The following EDC3 variants were observed in gnomAD, a reference collection of about 807,000 sequenced individuals.
The protein encoded by EDC3 is enhancer of mRNA-decapping protein 3.
Under a neutral mutation model 41.8 loss-of-function variants are expected in EDC3, and 20 were observed. The observed-to-expected ratio is 0.48, with a 90% CI of 0.34 to 0.70. The LOEUF is 0.70. Among genes scored for constraint, EDC3 ranks in the 30% least tolerant of loss-of-function variants. The probability of loss-of-function intolerance (pLI) is 0.01; values close to 1 mark genes in which losing one functional copy is unlikely to be tolerated. For missense variants in EDC3, 444 were observed against 636.8 expected (o/e 0.70, Z 3.26); for synonymous variants, 206 against 243.2 (o/e 0.85, Z 1.42).
intron 1 of EDC3, among the ~76,000 whole-genome samples, chr15:74,684,631 A>C (rs895492589): frequency 1.3e-5 from 2 of 152,014 alleles, no homozygotes; most frequent in African/African-American, 4.8e-5. Context: ...GAAAAAAAAA[A>C]ACCCAGAAAG....
chr15:74,657,165 GAGCTGTTAACACTTA>G lies in EDC3; in HGVS notation c.485-1112_485-1098del, dbSNP rs1012871489. 1.3e-5 allele frequency among the ~76,000 whole-genome samples: 2 copies of G among 152,236 alleles called. 1 individual carries two copies. The highest frequency in any genetic ancestry group is 1.3e-4 in the Admixed American group (2 of 15,290). On this transcript the variant is annotated intron_variant, in intron 3 of 6. Coordinates refer to ENST00000315127, the MANE Select transcript of EDC3 (RefSeq NM_025083.5). ...GGCAGAGGGCAGCTGCAGGCCCACT[GAGCTGTTAACACTTA>G]AGCCATCTGTGGATGGCAGAGCTAA...
At position 74,631,441 on chromosome 15, in the gene EDC3, G is replaced by A. The variant is rs1194327849; in HGVS notation, c.*1171C>T. 2 of 152,264 alleles carry A rather than the reference G, an allele frequency of 1.3e-5. No homozygotes were observed. 9.4% of individuals were successfully genotyped at this position (152,264 alleles called of 1,614,324 possible). On this transcript the variant is annotated 3_prime_UTR_variant, in exon 7 of 7. Transcript: ENST00000315127. Reference sequence around the variant, plus strand: ...GATTTGAGCATCAGTGTGTTCCTATGGTTGGAACCCACACCAGCTAGCTCA... The same window carrying A: ...GATTTGAGCATCAGTGTGTTCCTATAGTTGGAACCCACACCAGCTAGCTCA...
Position 74,671,585 on chromosome 15 carries a change from A to C in EDC3, c.354T>G (p.Pro118=). 1 of 1,614,126 alleles carries C rather than the reference A, an allele frequency of 6.2e-7. No homozygotes were observed. Among genetic ancestry groups the C allele is most frequent in the Non-Finnish European group, 8.5e-7 (1 of 1,180,020 alleles). Residue 118 remains proline (P), a synonymous_variant, in exon 3 of 7, where the codon CCT becomes CCG. Transcript: ENST00000315127. The surrounding 1 kb of genome is among the most constrained non-coding windows in gnomAD (Gnocchi z 4.6). The stretch of plus-strand genomic sequence containing the variant: ...CCTGGCTCTTCACATCTGTCCTCTT[A>C]GGGATATTCTGAGGGGCACTGCTGG... The part of the protein sequence containing the change: ...ASSSSAPQNI[P]KRTDVKSQDV...
chr15:74,684,051 T>C (rs1475854564), intron 1 of EDC3, among the ~76,000 whole-genome samples: 4 of 151,478 alleles, frequency 2.6e-5, no homozygotes, highest in African/African-American at 4.9e-5. Context: ...CCAGACACTG[T>C]CTTTATTTTA....
intron 4 of EDC3, among the ~76,000 whole-genome samples, chr15:74,653,604 C>T (rs2141610642): frequency 6.6e-6 from 1 of 152,324 alleles, no homozygotes; most frequent in South Asian, 2.1e-4. Context: ...CTTCTTTCCC[C>T]CTCATTGTCA....
At chr15:74,669,835 A>G (rs2062719488) in intron 3 of EDC3, among the ~76,000 whole-genome samples, 1 of 151,988 alleles carries the variant, frequency 6.6e-6, no homozygotes, top group Non-Finnish European at 1.5e-5. Context: ...ATGAATACTC[A>G]TTTAAAATTT....
chr15:74,674,997 T>C lies in EDC3; in HGVS notation c.128A>G (p.Asn43Ser). The C allele has an allele frequency of 1.2e-6, 2 of 1,614,142 alleles. No individual in the cohort carries two copies. Among genetic ancestry groups the C allele is most frequent in the South Asian group, 2.2e-5 (2 of 91,088 alleles). ...QTISLTRPFH[N>S]GVKCLVPEVT... Reference sequence around the variant, plus strand: ...TTCTGGAACAAGACACTTCACTCCATTATGGAAAGGCCGGGTGAGAGAAAT... The same window carrying C: ...TTCTGGAACAAGACACTTCACTCCACTATGGAAAGGCCGGGTGAGAGAAAT... Residue 43 changes from asparagine to serine, a missense_variant, in exon 2 of 7, where the codon AAT becomes AGT. Transcript: ENST00000315127.
chr15:74,653,434 G>A (rs934181510), intron 4 of EDC3, among the ~76,000 whole-genome samples: 3 of 152,204 alleles, frequency 2.0e-5, no homozygotes, highest in East Asian at 1.9e-4. Flanking sequence ...CTTGGAACTC[G>A]AACACAGAGA....
chr15:74,662,343 A>C (rs1174825399), intron 3 of EDC3, among the ~76,000 whole-genome samples: 2 of 152,144 alleles, frequency 1.3e-5, no homozygotes, highest in Admixed American at 6.6e-5. Flanking sequence ...GATGTCATTC[A>C]TACCTGTCAC....
intron 1 of EDC3, among the ~76,000 whole-genome samples, chr15:74,692,691 G>T (rs1034188049): frequency 6.6e-6 from 1 of 152,126 alleles, no homozygotes; most frequent in East Asian, 1.9e-4. Context: ...TGCAAGATGG[G>T]TTTAACATCT....
intron 4 of EDC3, among the ~76,000 whole-genome samples, chr15:74,647,440 G>A (rs1377018585): frequency 6.6e-6 from 1 of 152,198 alleles, no homozygotes; most frequent in East Asian, 1.9e-4. Flanking sequence ...AAAAACTCAG[G>A]TGTCAGGCTT....
intron 6 of EDC3, among the ~76,000 whole-genome samples, chr15:74,633,997 C>T (rs746444346): frequency 2.6e-5 from 4 of 152,148 alleles, no homozygotes; most frequent in Non-Finnish European, 4.4e-5. Flanking sequence ...GTTTCTGGTC[C>T]AGGCTTTGCC....
At chr15:74,685,014 C>T (rs562015144) in intron 1 of EDC3, among the ~76,000 whole-genome samples, 23 of 152,150 alleles carry the variant, frequency 1.5e-4, no homozygotes, top group Non-Finnish European at 2.6e-4. Flanking sequence ...CCCAATCTAA[C>T]GTGGCTACTC....
At chr15:74,636,352 G>A (rs1233264332) in intron 5 of EDC3, 7 of 152,364 alleles carry the variant, frequency 4.6e-5, no homozygotes, top group African/African-American at 1.7e-4. Flanking sequence ...CACAAAGAAG[G>A]TAAGGTACTC....
Position 74,670,595 on chromosome 15 carries a change from A to G in EDC3, c.484+860T>C, listed in dbSNP as rs530743234. Among the ~76,000 whole-genome samples the G allele has an allele frequency of 2.6e-5, 4 of 152,150 alleles. No individual in the cohort carries two copies. In the East Asian group the frequency reaches 7.7e-4, roughly 29 times the overall value. On this transcript the variant is annotated intron_variant, in intron 3 of 6. Coordinates refer to ENST00000315127, the MANE Select transcript of EDC3 (RefSeq NM_025083.5). ...CAGGCATGCACCTCCACGTCCGGAT[A>G]ATTTTTGTATTTTTAGCAGAGACGA...
At chr15:74,644,412 TC>T (rs925651655) in intron 4 of EDC3, 1 of 152,168 alleles carries the variant, frequency 6.6e-6, no homozygotes, top group African/African-American at 2.4e-5. Flanking sequence ...TTACTTCCCT[TC>T]ATTGCATTCA....
In EDC3 at chr15:74,632,561, T is replaced by C. The variant is rs754484819; in HGVS notation, c.*51A>G. Reference sequence around the variant, plus strand: ...TGAAGCTTCATATCCTTAAGGCGTTTGTTATCAGGAGCAGCAGGGGACAGC... The same window carrying C: ...TGAAGCTTCATATCCTTAAGGCGTTCGTTATCAGGAGCAGCAGGGGACAGC... On this transcript the variant is annotated 3_prime_UTR_variant, in exon 7 of 7. Transcript: ENST00000315127. The surrounding 1 kb of genome is among the most constrained non-coding windows in gnomAD (Gnocchi z 4.0). The C allele has an allele frequency of 5.7e-6, 9 of 1,582,120 alleles. No individual in the cohort carries two copies. In the South Asian group the frequency reaches 9.0e-5, roughly 16 times the overall value.
At chr15:74,668,159 T>G (rs1366960498) in intron 3 of EDC3, among the ~76,000 whole-genome samples, 1 of 152,166 alleles carries the variant, frequency 6.6e-6, no homozygotes, top group Admixed American at 6.5e-5. Context: ...TGACCAGTAT[T>G]CATCAAAATG....
chr15:74,689,020 T>G (rs1733825947), intron 1 of EDC3, among the ~76,000 whole-genome samples: 1 of 152,220 alleles, frequency 6.6e-6, no homozygotes, highest in Non-Finnish European at 1.5e-5. Flanking sequence ...CTCAATGTAT[T>G]TATCCATTCT....
Sources: allele counts gnomAD v4.1 joint callset (sites outside exome capture counted in the v4.1 genomes callset), GRCh38; gene constraint gnomAD v4.1.1; non-coding constraint Gnocchi (gnomAD v3.1); transcripts MANE v1.5; gene names NCBI Gene and HGNC (gene_info 2026-07-23, HGNC 2026-07-21).